The following CDH18 variants were observed in gnomAD, a reference collection of about 807,000 sequenced individuals.
CDH18 encodes cadherin 18, also known as cadherin-18.
Under a neutral mutation model 67.9 loss-of-function variants are expected in CDH18, and 31 were observed. That is an observed-to-expected ratio of 0.46 (90% CI 0.34 to 0.62). The LOEUF is 0.62. Ranked by LOEUF, CDH18 falls within the 20% of genes least tolerant of loss-of-function variation. CDH18 has a pLI of 0.01. For missense variants in CDH18, 890 were observed against 975.5 expected (o/e 0.91, Z 1.17); for synonymous variants, 362 against 347.2 (o/e 1.04, Z -0.48).
intron 2 of CDH18, among the ~76,000 whole-genome samples, chr5:20,145,786 C>A (rs1226829055): frequency 2.0e-5 from 3 of 152,120 alleles, no homozygotes; most frequent in African/African-American, 7.2e-5. Context: ...TTTACTCTTG[C>A]CCCATCCTTC....
intron 3 of CDH18, among the ~76,000 whole-genome samples, chr5:19,786,216 T>C (rs959565261): frequency 6.6e-6 from 1 of 152,160 alleles, no homozygotes; most frequent in Non-Finnish European, 1.5e-5. Context: ...TATTCAGCAA[T>C]AATGAATAAT....
intron 1 of CDH18, among the ~76,000 whole-genome samples, chr5:20,260,301 C>T (rs1383040723): frequency 2.0e-5 from 3 of 151,902 alleles, no homozygotes; most frequent in African/African-American, 7.3e-5. Flanking sequence ...GTTGTCCTAT[C>T]CTTGTCCCAC....
intron 2 of CDH18, among the ~76,000 whole-genome samples, chr5:19,977,924 GT>G (rs1798656862): frequency 6.6e-6 from 1 of 151,846 alleles, no homozygotes; most frequent in Non-Finnish European, 1.5e-5. Context: ...ATTATATGAG[GT>G]TACATTTTTT....
At chr5:19,689,496 T>C (rs1032961926) in intron 5 of CDH18, among the ~76,000 whole-genome samples, 1 of 151,992 alleles carries the variant, frequency 6.6e-6, no homozygotes, top group Non-Finnish European at 1.5e-5. Flanking sequence ...AAGGAATTTA[T>C]AACTATTAGA....
At chr5:19,804,331 A>G (rs1038157603) in intron 3 of CDH18, among the ~76,000 whole-genome samples, 2 of 151,760 alleles carry the variant, frequency 1.3e-5, no homozygotes, top group Non-Finnish European at 2.9e-5. Flanking sequence ...AAATAAATAA[A>G]TAAGTAAATC....
chr5:20,001,849 T>C (rs1471596647), intron 2 of CDH18, among the ~76,000 whole-genome samples: 1 of 151,982 alleles, frequency 6.6e-6, no homozygotes. Flanking sequence ...GCCCTCAGAG[T>C]GGCAAAATTA....
At chr5:19,905,082 A>G (rs1315778237) in intron 2 of CDH18, among the ~76,000 whole-genome samples, 4 of 152,180 alleles carry the variant, frequency 2.6e-5, no homozygotes, top group Admixed American at 6.6e-5. Flanking sequence ...AGGTGGGGCT[A>G]GAGTAAGGCT....
At chr5:19,588,745 C>T (rs1744626036) in intron 7 of CDH18, among the ~76,000 whole-genome samples, 2 of 151,896 alleles carry the variant, frequency 1.3e-5, no homozygotes, top group African/African-American at 4.8e-5. Flanking sequence ...GCAGGGGTTG[C>T]AATCCTAGTT....
intron 4 of CDH18, among the ~76,000 whole-genome samples, chr5:19,732,263 AT>A (rs1767702683): frequency 6.6e-6 from 1 of 152,048 alleles, no homozygotes; most frequent in African/African-American, 2.4e-5. Flanking sequence ...CAACATAGAG[AT>A]ACCTAGTTTC....
intron 1 of CDH18, among the ~76,000 whole-genome samples, chr5:20,518,866 G>T (rs1755540697): frequency 6.6e-6 from 1 of 152,064 alleles, no homozygotes; most frequent in Admixed American, 6.6e-5. Context: ...AACTTTGGAA[G>T]GATAAAGATT....
chr5:19,673,451 C>T (rs1759036212), intron 5 of CDH18, among the ~76,000 whole-genome samples: 1 of 151,838 alleles, frequency 6.6e-6, no homozygotes, highest in African/African-American at 2.4e-5. Flanking sequence ...GCTTTCTTAA[C>T]TTAGGCCTAA....
chr5:20,440,811 G>C (rs192027224), intron 1 of CDH18, among the ~76,000 whole-genome samples: 1 of 152,098 alleles, frequency 6.6e-6, no homozygotes, highest in East Asian at 1.9e-4. Context: ...TAGGCACCCT[G>C]CCATGTCTTG....
chr5:20,328,074 A>G (rs1156388094), intron 1 of CDH18, among the ~76,000 whole-genome samples: 1 of 152,020 alleles, frequency 6.6e-6, no homozygotes, highest in African/African-American at 2.4e-5. Flanking sequence ...GAGAAATAAG[A>G]GAAGAGTGAT....
At chr5:20,029,253 T>A (rs1309737826) in intron 2 of CDH18, among the ~76,000 whole-genome samples, 1 of 152,072 alleles carries the variant, frequency 6.6e-6, no homozygotes, top group Non-Finnish European at 1.5e-5. Context: ...TTGTGGGAGG[T>A]GATTGTTGCA....
At chr5:19,946,619 A>G (rs1223557219) in intron 2 of CDH18, among the ~76,000 whole-genome samples, 1 of 152,184 alleles carries the variant, frequency 6.6e-6, no homozygotes, top group East Asian at 1.9e-4. Flanking sequence ...TGAATATCCA[A>G]CATGCTCCCA....
intron 2 of CDH18, among the ~76,000 whole-genome samples, chr5:20,178,458 C>G (rs981776743): frequency 6.6e-6 from 1 of 150,878 alleles, no homozygotes; most frequent in Admixed American, 6.6e-5. Flanking sequence ...CCACTGCTAG[C>G]TAATTAAAGA....
chr5:20,277,527 G>A (rs1392834250), intron 1 of CDH18, among the ~76,000 whole-genome samples: 1 of 151,962 alleles, frequency 6.6e-6, no homozygotes. Context: ...TTGAATACCT[G>A]GAAAGCCTTT....
At chr5:19,991,170 T>C (rs913426350), upstream of CDH18, among the ~76,000 whole-genome samples, 1 of 152,148 alleles carries the variant, frequency 6.6e-6, no homozygotes, top group Admixed American at 6.5e-5. Context: ...CATGCTTAAT[T>C]TTACCCTGAA....
At chr5:20,243,598 G>T (rs1743151521) in intron 2 of CDH18, among the ~76,000 whole-genome samples, 1 of 151,846 alleles carries the variant, frequency 6.6e-6, no homozygotes. Flanking sequence ...AAATATCTTT[G>T]TCTCCAAAAT....
Sources: allele counts gnomAD v4.1 joint callset (sites outside exome capture counted in the v4.1 genomes callset), GRCh38; gene constraint gnomAD v4.1.1; transcripts MANE v1.5; gene names NCBI Gene and HGNC (gene_info 2026-07-23, HGNC 2026-07-21).